Variants in TLR6 observed in about 807,000 individuals in gnomAD.
TLR6 encodes the protein toll-like receptor 6.
In TLR6, 9 loss-of-function variants were observed where a neutral mutation model predicts 16.1. The ratio of observed to expected loss-of-function variants is 0.56; its 90% CI spans 0.34 to 0.98. The LOEUF is 0.98. TLR6 is among the 50% of genes least tolerant of loss of function. The probability of loss-of-function intolerance (pLI) is 0.02; values close to 1 mark genes in which losing one functional copy is unlikely to be tolerated. For missense variants in TLR6, 786 were observed against 921.0 expected, an observed-to-expected ratio of 0.85 and a Z score of 1.90; for synonymous variants, 340 against 338.6, an observed-to-expected ratio of 1.00 and a Z score of -0.04.
intron 1 of TLR6, among the ~76,000 whole-genome samples, chr4:38,849,849 A>T (rs979077711): frequency 1.1e-4 from 17 of 152,332 alleles, no homozygotes; most frequent in South Asian, 2.1e-4. Flanking sequence ...GTTAACAAGG[A>T]TATCCAGGAA....
the TLR6 span, chr4:38,867,726 GGGGCCC>G: frequency 6.6e-6 from 1 of 150,970 alleles, no homozygotes; most frequent in Non-Finnish European, 1.5e-5. Context: ...CAGGCGGGGC[GGGGCCC>G]CCTCTCCAGC....
the TLR6 span, among the ~76,000 whole-genome samples, chr4:38,865,444 A>G: frequency 1.3e-5 from 2 of 152,214 alleles, no homozygotes; most frequent in Non-Finnish European, 2.9e-5. Context: ...TTTATTGGAT[A>G]GGTGTGGTTT....
exon 2 of TLR6, chr4:38,826,357 C>T (rs1027585783): frequency 6.6e-6 from 1 of 152,262 alleles, no homozygotes; most frequent in East Asian, 1.9e-4. Context: ...TACTGTCTTT[C>T]GTCAGCTTTG....
At position 38,829,418 on chromosome 4, in the gene TLR6, A is replaced by G. The variant is rs757717883; in HGVS notation, c.56T>C (p.Ile19Thr). ...CTGGATTCTGGTTCCAACTATTATG[A>G]TCATAAGGCAAACAAAATGGAAGCT... is the stretch of plus-strand genomic sequence containing the variant. The change falls in exon 2 of 2, where the codon ATC becomes ACC. Residue 19 changes from isoleucine to threonine, a missense_variant. By Grantham distance (89) the Ile-to-Thr change is moderately conservative. Coordinates refer to ENST00000436693, the Ensembl canonical transcript of TLR6. 6 of 1,613,904 alleles carry G rather than the reference A, an allele frequency of 3.7e-6. No homozygotes were observed. In the South Asian group the frequency reaches 6.6e-5, roughly 18 times the overall value.
intron 1 of TLR6, among the ~76,000 whole-genome samples, chr4:38,843,991 TAC>T (rs1712404150): frequency 6.6e-6 from 1 of 152,212 alleles, no homozygotes; most frequent in African/African-American, 2.4e-5. Flanking sequence ...TTCCAACTAG[TAC>T]TTAATGAGTA....
intron 1 of TLR6, among the ~76,000 whole-genome samples, chr4:38,839,155 G>C (rs925322838): frequency 6.2e-5 from 9 of 144,504 alleles, no homozygotes; most frequent in East Asian, 4.2e-4. Flanking sequence ...GGAGGGAAGG[G>C]GGGGAAGATC....
At chr4:38,823,504 A>C (rs1485052126), downstream of TLR6, among the ~76,000 whole-genome samples, 1 of 152,146 alleles carries the variant, frequency 6.6e-6, no homozygotes, top group African/African-American at 2.4e-5. Context: ...ATTCCTTTTA[A>C]CAGGTCATCT....
intron 1 of TLR6, among the ~76,000 whole-genome samples, chr4:38,839,130 G>T (rs1240798801): frequency 3.6e-5 from 4 of 110,986 alleles, no homozygotes; most frequent in Non-Finnish European, 5.6e-5. Flanking sequence ...GAGGAAGGGA[G>T]GGAAGGGAGG....
chr4:38,852,017 G>T (rs569193819), intron 1 of TLR6, among the ~76,000 whole-genome samples: 16 of 152,246 alleles, frequency 1.1e-4, no homozygotes, highest in African/African-American at 3.9e-4. Flanking sequence ...GCATGGTACT[G>T]GTACCAAAAC....
chr4:38,854,070 T>C (rs553752571), intron 1 of TLR6, among the ~76,000 whole-genome samples: 1 of 152,376 alleles, frequency 6.6e-6, no homozygotes, highest in East Asian at 1.9e-4. Context: ...AGTTTTTATC[T>C]ATATTTTTCA....
chr4:38,829,036 T>C, exon 2 of TLR6: 1 of 1,614,180 alleles, frequency 6.2e-7, no homozygotes, highest in Non-Finnish European at 8.5e-7. Context: ...AATTCAGTTG[T>C]GATAAGTTGC....
rs1382532057 is a variant in TLR6, at chr4:38,847,776, A to G, written c.-65+8985T>C. ...TGCTGAGGCTTGAGTAGGTAAACAA[A>G]GCAGCCAGGAAGCTCAAACTGGGTG... On this transcript the variant is annotated intron_variant, in intron 1 of 1. Coordinates refer to ENST00000436693, the Ensembl canonical transcript of TLR6. 2.0e-5 allele frequency among the ~76,000 whole-genome samples: 3 copies of G among 151,902 alleles called. No homozygotes were observed. The East Asian group carries it at 5.8e-4, about 29-fold the overall frequency.
exon 2 of TLR6, chr4:38,829,460 T>C: frequency 6.2e-7 from 1 of 1,610,724 alleles, no homozygotes; most frequent in Non-Finnish European, 8.5e-7. Context: ...AATAGGTTCT[T>C]TGTCTTTGGT....
chr4:38,852,773 A>T (rs1054702218), intron 1 of TLR6, among the ~76,000 whole-genome samples: 1 of 151,982 alleles, frequency 6.6e-6, no homozygotes, highest in Non-Finnish European at 1.5e-5. Context: ...ACACTTTTAC[A>T]CTGTTGGTGG....
intron 1 of TLR6, among the ~76,000 whole-genome samples, chr4:38,839,310 T>TTA (rs142633584): frequency 6.6e-5 from 10 of 151,760 alleles, no homozygotes; most frequent in African/African-American, 1.9e-4. Flanking sequence ...GATTTTTTTT[T>TTA]AAAAAAAATT....
chr4:38,849,263 G>C, intron 1 of TLR6, among the ~76,000 whole-genome samples: 1 of 152,130 alleles, frequency 6.6e-6, no homozygotes, highest in Non-Finnish European at 1.5e-5. Context: ...TGCCCTAAAA[G>C]AGCTCCTGAA....
intron 1 of TLR6, among the ~76,000 whole-genome samples, chr4:38,846,978 C>T (rs546670765): frequency 6.6e-6 from 1 of 151,986 alleles, no homozygotes; most frequent in South Asian, 2.1e-4. Context: ...AAAGAAACCC[C>T]AATCAATCTA....
the TLR6 span, among the ~76,000 whole-genome samples, chr4:38,864,794 T>TTAAAGCC: frequency 6.6e-6 from 1 of 152,188 alleles, no homozygotes; most frequent in Non-Finnish European, 1.5e-5. Flanking sequence ...GGAGGATTGC[T>TTAAAGCC]TAAAGCCAGG....
At chr4:38,846,992 G>A (rs1712556696) in intron 1 of TLR6, among the ~76,000 whole-genome samples, 2 of 152,116 alleles carry the variant, frequency 1.3e-5, no homozygotes, top group African/African-American at 4.8e-5. Flanking sequence ...CAATCTAGCT[G>A]TGTCCTGAAG....
Sources: gnomAD v4.1 joint callset for allele counts (sites outside exome capture counted in the v4.1 genomes callset) on GRCh38, gnomAD v4.1.1 for gene constraint, MANE v1.5 for transcripts, NCBI Gene and HGNC (gene_info 2026-07-23, HGNC 2026-07-21) for gene names.